Variants in RPS6KA5 observed in about 807,000 individuals in gnomAD.
The protein encoded by RPS6KA5 is ribosomal protein S6 kinase alpha-5.
RPS6KA5 carries 27 observed loss-of-function variants against 85.5 expected under a neutral mutation model. The ratio of observed to expected loss-of-function variants is 0.32; its 90% CI spans 0.23 to 0.44. The LOEUF (loss-of-function observed/expected upper bound fraction) is 0.44, where lower values mean the gene tolerates loss of function less well. Among genes scored for constraint, RPS6KA5 ranks in the 20% least tolerant of loss-of-function variants. The pLI is 1.00. For synonymous variants in RPS6KA5, 334 were observed against 348.2 expected (o/e 0.96, Z 0.46); for missense variants, 811 against 980.9 (o/e 0.83, Z 2.31).
At chr14:91,044,410 AAAGAAAGAAAGAAAG>A (rs1421935427) in intron 1 of RPS6KA5, among the ~76,000 whole-genome samples, 1 of 92,598 alleles carries the variant, frequency 1.1e-5, no homozygotes, top group Non-Finnish European at 2.3e-5. Flanking sequence ...AGAAAGAAAG[AAAGAAAGAAAGAAAG>A]AAAGAAAGAA....
chr14:90,902,054 C>T (rs1367667758), intron 9 of RPS6KA5, among the ~76,000 whole-genome samples: 1 of 150,936 alleles, frequency 6.6e-6, no homozygotes, highest in African/African-American at 2.4e-5. Context: ...GTGGCATGCA[C>T]CTGTGGTCCC....
chr14:91,048,331 G>A (rs187081318), intron 1 of RPS6KA5, among the ~76,000 whole-genome samples: 34 of 151,702 alleles, frequency 2.2e-4, no homozygotes, highest in African/African-American at 7.0e-4. Context: ...TATTATTTAC[G>A]CAGTTTTTGC....
chr14:90,928,136 T>C (rs1262289601), intron 5 of RPS6KA5, among the ~76,000 whole-genome samples: 1 of 151,890 alleles, frequency 6.6e-6, no homozygotes, highest in Non-Finnish European at 1.5e-5. Context: ...TGCTATGTTG[T>C]CCAGGCTCCT....
In RPS6KA5 at chr14:90,900,887, A is replaced by T. The variant is rs575093205; in HGVS notation, c.1120-151T>A. On this transcript the variant is annotated intron_variant, in intron 9 of 16. Coordinates refer to ENST00000614987, the MANE Select transcript of RPS6KA5 (RefSeq NM_004755.4). Reference sequence around the variant, plus strand: ...TTATTTTATTTGCAATCTAAAATGCAAGGTTATTTCAAATCATTTGAAAAA... The same window carrying T: ...TTATTTTATTTGCAATCTAAAATGCTAGGTTATTTCAAATCATTTGAAAAA... 5.7e-5 allele frequency: 38 copies of T among 665,542 alleles called. No homozygotes were observed. In the East Asian group the frequency reaches 1.1e-3, roughly 19 times the overall value. The allele number at this position is 665,542 out of a possible 1,614,324, so 41.2% of individuals were successfully genotyped here.
At chr14:90,978,030 G>A (rs2039639221) in intron 3 of RPS6KA5, among the ~76,000 whole-genome samples, 1 of 152,060 alleles carries the variant, frequency 6.6e-6, no homozygotes, top group South Asian at 2.1e-4. Flanking sequence ...ACTCCAGCCT[G>A]GGTGACAGAG....
At chr14:91,024,972 C>T (rs183964082) in intron 1 of RPS6KA5, among the ~76,000 whole-genome samples, 4 of 151,990 alleles carry the variant, frequency 2.6e-5, no homozygotes, top group African/African-American at 9.7e-5. Flanking sequence ...ACCTCTGCCT[C>T]CTGGGTTGAA....
At chr14:90,978,577 G>T in intron 2 of RPS6KA5, 53 bp from the exon 3 acceptor site, 1 of 1,352,446 alleles carries the variant, frequency 7.4e-7, no homozygotes, top group Non-Finnish European at 1.0e-6. Flanking sequence ...CAGGCAAAAT[G>T]GTAATTTAGT....
intron 1 of RPS6KA5, among the ~76,000 whole-genome samples, chr14:91,051,523 T>G (rs1886997785): frequency 6.6e-6 from 1 of 152,154 alleles, no homozygotes; most frequent in Admixed American, 6.5e-5. Context: ...AGTTTTGCTG[T>G]TGTTGCCCAG....
In RPS6KA5 at chr14:90,857,913, T is replaced by C. The variant is rs1045775960; in HGVS notation, c.*14161A>G. On this transcript the variant is annotated 3_prime_UTR_variant, in exon 17 of 17. Coordinates refer to ENST00000614987, the MANE Select transcript of RPS6KA5 (RefSeq NM_004755.4). ...GCCTGAAAGAAGTGCTCAAAAACTA[T>C]TTAATGGACAAAGGAACAAATGAAT... The C allele has an allele frequency of 6.6e-6, 1 of 152,172 alleles. No individual in the cohort carries two copies. The highest frequency in any genetic ancestry group is 1.5e-5 in the Non-Finnish European group (1 of 68,028). The allele number at this position is 152,172 out of a possible 1,614,324, so 9.4% of individuals were successfully genotyped here.
intron 5 of RPS6KA5, among the ~76,000 whole-genome samples, chr14:90,930,829 A>G (rs1482351349): frequency 6.6e-6 from 1 of 152,178 alleles, no homozygotes; most frequent in Admixed American, 6.5e-5. Context: ...CAGAATTACA[A>G]TGAGATTTCA....
In RPS6KA5 at chr14:90,850,215, G is replaced by A. The variant is rs2031925679; in HGVS notation, c.*21859C>T. The A allele has an allele frequency of 2.0e-5, 3 of 152,116 alleles. No individual in the cohort carries two copies. The South Asian group carries it at 6.2e-4, about 32-fold the overall frequency. The allele number at this position is 152,116 out of a possible 1,614,324, so 9.4% of individuals were successfully genotyped here. A position where few individuals can be genotyped will look rare whatever the true frequency, so the allele number is the denominator to read the frequency against. On this transcript the variant is annotated 3_prime_UTR_variant, in exon 17 of 17. Transcript: ENST00000614987. ...GTCCTGACATTGCTTACCAGCCATT[G>A]ACCTGAAATGAACTGCTTCAACGTG...
At chr14:91,055,765 G>T (rs189317754) in intron 1 of RPS6KA5, among the ~76,000 whole-genome samples, 4 of 152,176 alleles carry the variant, frequency 2.6e-5, no homozygotes, top group Admixed American at 2.6e-4. Context: ...GATAGATTCC[G>T]TCTCCAAAAA....
intron 2 of RPS6KA5, among the ~76,000 whole-genome samples, chr14:90,983,016 C>T (rs543074216): frequency 1.5e-4 from 23 of 151,136 alleles, no homozygotes; most frequent in Middle Eastern, 3.5e-3. Flanking sequence ...GGGAGGCTGA[C>T]GCAGGAGGAT....
chr14:91,020,614 TTGTGTGTGTGTGTG>T (rs71117396), intron 1 of RPS6KA5, among the ~76,000 whole-genome samples: 23 of 91,326 alleles, frequency 2.5e-4, no homozygotes, highest in Admixed American at 1.7e-3. Context: ...ATATATCCTA[TTGTGTGTGTGTGTG>T]TGTGTGTGTG....
intron 14 of RPS6KA5, among the ~76,000 whole-genome samples, chr14:90,881,870 C>T (rs1387775349): frequency 6.6e-6 from 1 of 152,158 alleles, no homozygotes; most frequent in Non-Finnish European, 1.5e-5. Context: ...CTATTTGTGT[C>T]TTTGGATTTA....
In RPS6KA5 at chr14:90,863,326, A is replaced by AAAAG. The variant is rs1555353849; in HGVS notation, c.*8747_*8748insCTTT. Reference sequence around the variant, plus strand: ...TCAAAAAAAAAAAAAAAAAAAAAAAAAAAAGAAAAGAAAAGAAAAAAATAT... The same window carrying AAAAG: ...TCAAAAAAAAAAAAAAAAAAAAAAAAAAAGAAAAGAAAAGAAAAGAAAAAAATAT... On this transcript the variant is annotated 3_prime_UTR_variant, in exon 17 of 17. Transcript: ENST00000614987. 3.5e-3 allele frequency: 487 copies of AAAAG among 141,128 alleles called. 1 individual carries two copies. Among genetic ancestry groups the AAAAG allele is most frequent in the African/African-American group, 0.013 (469 of 35,148 alleles). 8.7% of individuals were successfully genotyped at this position (141,128 alleles called of 1,614,324 possible). A position where few individuals can be genotyped will look rare whatever the true frequency, so the allele number is the denominator to read the frequency against.
At chr14:90,968,505 A>T (rs1196739697) in intron 3 of RPS6KA5, among the ~76,000 whole-genome samples, 2 of 152,204 alleles carry the variant, frequency 1.3e-5, no homozygotes, top group Non-Finnish European at 1.5e-5. Flanking sequence ...GACATTATTC[A>T]GTCTACCACA....
chr14:90,906,595 C>A (rs973680717), intron 7 of RPS6KA5, among the ~76,000 whole-genome samples: 1 of 152,082 alleles, frequency 6.6e-6, no homozygotes, highest in African/African-American at 2.4e-5. Context: ...ACGGAAAAGC[C>A]TGGGGCTAGA....
intron 3 of RPS6KA5, among the ~76,000 whole-genome samples, chr14:90,950,168 A>C (rs2038098687): frequency 6.6e-6 from 1 of 152,160 alleles, no homozygotes; most frequent in African/African-American, 2.4e-5. Context: ...TGTTAAATTT[A>C]TTCCCAAATG....
Sources: gnomAD v4.1 joint callset for allele counts (sites outside exome capture counted in the v4.1 genomes callset) on GRCh38, gnomAD v4.1.1 for gene constraint, MANE v1.5 for transcripts, NCBI Gene and HGNC (gene_info 2026-07-23, HGNC 2026-07-21) for gene names.